Variants in LDB3 observed in about 807,000 individuals in gnomAD.
LDB3 encodes LIM domain binding 3.
Under a neutral mutation model 69.0 loss-of-function variants are expected in LDB3, and 49 were observed. The observed-to-expected ratio is 0.71, with a 90% confidence interval of 0.56 to 0.90. The LOEUF (loss-of-function observed/expected upper bound fraction) is 0.90. LDB3 is among the 40% of genes least tolerant of loss of function. LDB3 has a pLI of 0.00. For synonymous variants in LDB3, 387 were observed against 396.2 expected (o/e 0.98, Z 0.28); for missense variants, 928 against 974.1 (o/e 0.95, Z 0.63).
intron 9 of LDB3, among the ~76,000 whole-genome samples, chr10:86,712,309 C>T (rs1846700077): frequency 6.6e-6 from 1 of 152,194 alleles, no homozygotes. Flanking sequence ...ATCCGGGAGT[C>T]TGTAAGGCCT....
chr10:86,728,795 T>G (rs1847359739), intron 13 of LDB3, among the ~76,000 whole-genome samples: 1 of 152,036 alleles, frequency 6.6e-6, no homozygotes, highest in Non-Finnish European at 1.5e-5. Context: ...TTGGCCAGGC[T>G]GGTCTTGAAC....
intron 2 of LDB3, among the ~76,000 whole-genome samples, chr10:86,674,162 G>C (rs1399085643): frequency 6.6e-6 from 1 of 152,128 alleles, no homozygotes; most frequent in Non-Finnish European, 1.5e-5. Flanking sequence ...TAGCAGATGG[G>C]GTCAGCACTG....
In LDB3 at chr10:86,733,305, C is replaced by T. The variant is rs45494496; in HGVS notation, c.*329C>T. On this transcript the variant is annotated 3_prime_UTR_variant, in exon 14 of 14. Transcript: ENST00000361373. ...AAAGCGATACACTTGCTTTGGTCAC[C>T]AGAGGAGGACAGAGCTTAGAGCAGC... 1 of 355,016 alleles carries T rather than the reference C, an allele frequency of 2.8e-6. No homozygotes were observed. Among genetic ancestry groups the T allele is most frequent in the African/African-American group, 2.1e-5 (1 of 46,992 alleles). 22.0% of individuals were successfully genotyped at this position (355,016 alleles called of 1,614,324 possible).
intron 13 of LDB3, among the ~76,000 whole-genome samples, chr10:86,732,199 T>C (rs750103080): frequency 2.4e-4 from 36 of 152,212 alleles, no homozygotes; most frequent in Middle Eastern, 3.4e-3. Flanking sequence ...CAATCTTCTC[T>C]GATGTGTTTG....
At chr10:86,688,281 T>C (rs79025854) in intron 5 of LDB3, among the ~76,000 whole-genome samples, 9,223 of 152,014 alleles carry the variant, frequency 0.061, 503 homozygotes, top group African/African-American at 0.14. Context: ...GAAAAACCGA[T>C]GTAATAAGAG....
rs1333051550 is a variant in LDB3 at position 86,733,063 on chromosome 10, G to T, written c.*87G>T. 2.2e-6 allele frequency: 2 copies of T among 913,196 alleles called. No individual in the cohort carries two copies. The highest frequency in any genetic ancestry group is 3.6e-6 in the Non-Finnish European group (2 of 563,360). 56.6% of individuals were successfully genotyped at this position (913,196 alleles called of 1,614,324 possible). ...TTCGGGAGGCTGATGTTTCTTCTGA[G>T]GGGAATGGGGAGAGAGAGGAAGCGA... On this transcript the variant is annotated 3_prime_UTR_variant, in exon 14 of 14. Coordinates refer to ENST00000361373, the MANE Select transcript of LDB3 (RefSeq NM_007078.3).
At chr10:86,718,214 C>A in intron 11 of LDB3, 70 bp downstream of exon 11, 1 of 1,470,730 alleles carries the variant, frequency 6.8e-7, no homozygotes, top group Non-Finnish European at 9.5e-7. Context: ...TCGTGGGATC[C>A]CATTAGGAAG....
At chr10:86,722,436 A>G (rs1847110614) in intron 12 of LDB3, among the ~76,000 whole-genome samples, 1 of 147,250 alleles carries the variant, frequency 6.8e-6, no homozygotes, top group Non-Finnish European at 1.5e-5. Context: ...AATTTTTTGT[A>G]TTTTTGGTAG....
intron 2 of LDB3, among the ~76,000 whole-genome samples, chr10:86,678,616 G>A (rs1016727441): frequency 6.6e-6 from 1 of 151,910 alleles, no homozygotes; most frequent in Non-Finnish European, 1.5e-5. Context: ...GGGATTACAG[G>A]CGTGAGCCAC....
In LDB3 at chr10:86,691,903, C is replaced by T; in HGVS notation, c.697C>T (p.Pro233Ser). 6.2e-7 allele frequency: 1 copy of T among 1,614,126 alleles called. No individual in the cohort carries two copies. Among genetic ancestry groups the T allele is most frequent in the Non-Finnish European group, 8.5e-7 (1 of 1,180,046 alleles). Residue 233 changes from proline to serine, a missense_variant, in exon 6 of 14, where the codon CCT (proline) becomes TCT (serine). By Grantham distance (74) the Pro-to-Ser change is moderately conservative (BLOSUM62 -1). Transcript: ENST00000361373. ...CCTCTCTCTGCATTACAGGAGCCTC[C>T]CTATTAAGGACCTTGCCGTAGACAG... Reference protein sequence around the residue: ...SGVGLPGGSLPIKDLAVDSAS... With the variant: ...SGVGLPGGSLSIKDLAVDSAS...
At chr10:86,688,508 G>A (rs953952562) in intron 5 of LDB3, among the ~76,000 whole-genome samples, 8 of 152,176 alleles carry the variant, frequency 5.3e-5, no homozygotes, top group Admixed American at 1.3e-4. Flanking sequence ...AGCAGAGGTC[G>A]CCTGTCCTGG....
rs776599160 is a variant in LDB3 at position 86,681,391 on chromosome 10, T to C, written c.322-45T>C. 22 of 1,597,762 alleles carry C rather than the reference T, an allele frequency of 1.4e-5. No homozygotes were observed. In the South Asian group the frequency reaches 2.3e-4, roughly 17 times the overall value. ...GGAGCGCTGGGACGCGTGTGGCCTC[T>C]AACCGCTCTCTTCTCTCTCCCCTGC... On this transcript the variant is annotated intron_variant, in intron 4 of 13. Coordinates refer to ENST00000361373, the MANE Select transcript of LDB3 (RefSeq NM_007078.3).
intron 2 of LDB3, among the ~76,000 whole-genome samples, chr10:86,675,731 A>C (rs1844760714): frequency 6.6e-6 from 1 of 152,234 alleles, no homozygotes; most frequent in Non-Finnish European, 1.5e-5. Context: ...GGAGGGATGG[A>C]GTGTGATAAA....
At chr10:86,671,759 C>T (rs908367548) in intron 2 of LDB3, among the ~76,000 whole-genome samples, 1 of 152,222 alleles carries the variant, frequency 6.6e-6, no homozygotes, top group African/African-American at 2.4e-5. Context: ...CTGCTGCTCT[C>T]AGCTGTGTCA....
upstream of LDB3, among the ~76,000 whole-genome samples, chr10:86,667,063 C>A (rs1844212762): frequency 6.6e-6 from 1 of 152,110 alleles, no homozygotes; most frequent in South Asian, 2.1e-4. Context: ...GACTGCTGGC[C>A]TCCTGGGCTG....
At chr10:86,673,519 G>A (rs1242739724) in intron 2 of LDB3, among the ~76,000 whole-genome samples, 1 of 152,018 alleles carries the variant, frequency 6.6e-6, no homozygotes, top group Admixed American at 6.6e-5. Context: ...AGGGGACTCC[G>A]GCTTATTTAT....
chr10:86,729,373 C>T (rs1847378520), intron 13 of LDB3, among the ~76,000 whole-genome samples: 1 of 152,192 alleles, frequency 6.6e-6, no homozygotes, highest in Admixed American at 6.5e-5. Context: ...TGGAAAGGGT[C>T]CGACCTTAGT....
In LDB3 at chr10:86,717,995, T is replaced by C; in HGVS notation, c.1708T>C (p.Trp570Arg). Residue 570 changes from tryptophan (W) to arginine (R), a missense_variant, in exon 11 of 14, where the codon TGG (tryptophan) becomes CGG (arginine). By Grantham distance (101) the Trp-to-Arg change is moderately radical (BLOSUM62 -3). Transcript: ENST00000361373. Reference protein sequence around the residue: ...GPFLVAMGRSWHPEEFTCAYC... With the variant: ...GPFLVAMGRSRHPEEFTCAYC... ...ATTTCTGGTAGCCATGGGCCGTTCT[T>C]GGCACCCTGAAGAGTTCACCTGTGC... The C allele has an allele frequency of 6.2e-7, 1 of 1,614,196 alleles. No individual in the cohort carries two copies. The highest frequency in any genetic ancestry group is 8.5e-7 in the Non-Finnish European group (1 of 1,180,016).
chr10:86,686,380 T>C (rs959710749), intron 5 of LDB3, among the ~76,000 whole-genome samples: 1 of 150,870 alleles, frequency 6.6e-6, no homozygotes, highest in African/African-American at 2.4e-5. Context: ...TCCCGACCCC[T>C]ACCCCCAGCC....
Sources: gnomAD v4.1 joint callset for allele counts (sites outside exome capture counted in the v4.1 genomes callset) on GRCh38, gnomAD v4.1.1 for gene constraint, MANE v1.5 for transcripts, NCBI Gene and HGNC (gene_info 2026-07-23, HGNC 2026-07-21) for gene names.